CSMD1: variants seen among roughly 807,000 people sequenced by gnomAD.
The protein encoded by CSMD1 is CUB and sushi domain-containing protein 1.
CSMD1 carries 213 observed loss-of-function variants against 417.5 expected under a neutral mutation model. The ratio of observed to expected loss-of-function variants is 0.51; its 90% CI spans 0.46 to 0.57. The LOEUF (loss-of-function observed/expected upper bound fraction) is 0.57, where lower values mean the gene tolerates loss of function less well. Ranked by LOEUF, CSMD1 falls within the 20% of genes least tolerant of loss-of-function variation. The probability of loss-of-function intolerance (pLI) is 0.00; values close to 1 mark genes in which losing one functional copy is unlikely to be tolerated. For missense variants in CSMD1, 6,923 were observed against 4,529.7 expected (o/e 1.53, Z -15.17); for synonymous variants, 2,862 against 1,736.8 (o/e 1.65, Z -16.11).
At chr8:3,323,518 G>A (rs947891523) in intron 23 of CSMD1, among the ~76,000 whole-genome samples, 3 of 151,898 alleles carry the variant, frequency 2.0e-5, no homozygotes, top group African/African-American at 4.8e-5. Context: ...GAGTTAAAAG[G>A]GAAACTTGCC....
At chr8:3,241,310 C>G (rs142602774) in intron 26 of CSMD1, among the ~76,000 whole-genome samples, 1 of 149,856 alleles carries the variant, frequency 6.7e-6, no homozygotes, top group South Asian at 2.1e-4. Context: ...ATACCCACAA[C>G]AGTTATGGAG....
At chr8:3,276,025 T>C (rs1802262197) in intron 26 of CSMD1, among the ~76,000 whole-genome samples, 1 of 152,194 alleles carries the variant, frequency 6.6e-6, no homozygotes, top group Non-Finnish European at 1.5e-5. Context: ...GAGTTTCCAG[T>C]TTTTCTGCTC....
intron 2 of CSMD1, among the ~76,000 whole-genome samples, chr8:4,556,670 A>G (rs960323301): frequency 1.3e-5 from 2 of 152,196 alleles, no homozygotes; most frequent in African/African-American, 2.4e-5. Flanking sequence ...AATGCAAACA[A>G]CAAAAGTTTT....
At chr8:4,108,655 A>G (rs1801694814) in intron 3 of CSMD1, among the ~76,000 whole-genome samples, 3 of 152,308 alleles carry the variant, frequency 2.0e-5, no homozygotes, top group Non-Finnish European at 4.4e-5. Flanking sequence ...GCCACCTGAC[A>G]CTTTCGACAA....
In CSMD1 at chr8:4,226,324, A is replaced by T. The variant is rs375482257; in HGVS notation, c.415+193629T>A. On this transcript the variant is annotated intron_variant, in intron 3 of 69. Transcript: ENST00000635120. The stretch of plus-strand genomic sequence containing the variant: ...GACATTCAAAAAAGAATTAGAGACC[A>T]TCAAATACTCTACTTAAAAATGTAT... Among the ~76,000 whole-genome samples, 16 of 152,338 alleles carry T rather than the reference A, an allele frequency of 1.1e-4. No individual in the cohort carries two copies. The East Asian group carries it at 3.1e-3, about 29-fold the overall frequency.
chr8:4,956,095 G>C (rs1255258288), intron 1 of CSMD1, among the ~76,000 whole-genome samples: 1 of 152,088 alleles, frequency 6.6e-6, no homozygotes, highest in African/African-American at 2.4e-5. Context: ...GAGTTATTTG[G>C]TTATCACCCT....
At chr8:4,486,630 C>T (rs1364268855) in intron 2 of CSMD1, among the ~76,000 whole-genome samples, 1 of 151,920 alleles carries the variant, frequency 6.6e-6, no homozygotes, top group Non-Finnish European at 1.5e-5. Flanking sequence ...GACTCAGTGA[C>T]CTAAACACTG....
chr8:3,987,622 G>T (rs1585085726), intron 5 of CSMD1, among the ~76,000 whole-genome samples: 1 of 152,184 alleles, frequency 6.6e-6, no homozygotes, highest in African/African-American at 2.4e-5. Context: ...TGAGAACTGT[G>T]AAGGATGAGT....
At position 4,081,670 on chromosome 8, in the gene CSMD1, A is replaced by C. The variant is rs1402287577; in HGVS notation, c.416-49571T>G. On this transcript the variant is annotated intron_variant, in intron 3 of 69. Coordinates refer to ENST00000635120, the MANE Select transcript of CSMD1 (RefSeq NM_033225.6). Reference sequence around the variant, plus strand: ...TAGATACTATGCTACACAATGCAACAATTCTCAATGAAGTCCAAAACATTT... The same window carrying C: ...TAGATACTATGCTACACAATGCAACCATTCTCAATGAAGTCCAAAACATTT... Among the ~76,000 whole-genome samples the C allele has an allele frequency of 2.6e-5, 4 of 152,314 alleles. No homozygotes were observed. The East Asian group carries it at 7.7e-4, about 29-fold the overall frequency.
chr8:4,188,370 G>A lies in CSMD1; in HGVS notation c.416-156271C>T, dbSNP rs991165604. Among the ~76,000 whole-genome samples, 11 of 152,256 alleles carry A rather than the reference G, an allele frequency of 7.2e-5. No individual in the cohort carries two copies. In the Middle Eastern group the frequency reaches 0.01, roughly 141 times the overall value. Reference sequence around the variant, plus strand: ...AAACCGAGGTGCCTTCATTCATTCTGCATAATAGCAAACAACACAGGAAAC... The same window carrying A: ...AAACCGAGGTGCCTTCATTCATTCTACATAATAGCAAACAACACAGGAAAC... On this transcript the variant is annotated intron_variant, in intron 3 of 69. Coordinates refer to ENST00000635120, the MANE Select transcript of CSMD1 (RefSeq NM_033225.6).
At chr8:4,265,344 T>A (rs2128845959) in intron 3 of CSMD1, among the ~76,000 whole-genome samples, 1 of 151,932 alleles carries the variant, frequency 6.6e-6, no homozygotes, top group South Asian at 2.1e-4. Flanking sequence ...TTTTGGTGAA[T>A]GATCTGTCTC....
chr8:4,719,892 C>G (rs1007590576), intron 1 of CSMD1, among the ~76,000 whole-genome samples: 1 of 152,034 alleles, frequency 6.6e-6, no homozygotes, highest in African/African-American at 2.4e-5. Flanking sequence ...GCTCACATAT[C>G]TATATTCGAC....
intron 2 of CSMD1, among the ~76,000 whole-genome samples, chr8:4,439,378 T>A (rs1798332254): frequency 6.6e-6 from 1 of 152,150 alleles, no homozygotes. Context: ...TACAACTTTG[T>A]GGGTTACTAA....
intron 5 of CSMD1, among the ~76,000 whole-genome samples, chr8:3,839,102 T>C (rs536309267): frequency 0.029 from 1,896 of 64,866 alleles, 52 homozygotes; most frequent in African/African-American, 0.092. Context: ...TAATATAGCC[T>C]ATATATATAG....
chr8:4,317,055 A>C (rs1470871835), intron 3 of CSMD1, among the ~76,000 whole-genome samples: 3 of 152,196 alleles, frequency 2.0e-5, no homozygotes, highest in Non-Finnish European at 4.4e-5. Context: ...AAAACATACA[A>C]GCCCTGTGGA....
chr8:3,774,176 C>G (rs1156572505), intron 5 of CSMD1, among the ~76,000 whole-genome samples: 2 of 152,140 alleles, frequency 1.3e-5, no homozygotes, highest in African/African-American at 4.8e-5. Flanking sequence ...CTTTTGTGAC[C>G]TGCACCGCCT....
intron 3 of CSMD1, among the ~76,000 whole-genome samples, chr8:4,249,632 G>A (rs112589879): frequency 6.6e-6 from 1 of 152,148 alleles, no homozygotes; most frequent in African/African-American, 2.4e-5. Flanking sequence ...GCTCAACACA[G>A]TGTGGAACGT....
At chr8:4,873,742 G>GA (rs1240152592) in intron 1 of CSMD1, among the ~76,000 whole-genome samples, 1 of 152,020 alleles carries the variant, frequency 6.6e-6, no homozygotes, top group Non-Finnish European at 1.5e-5. Flanking sequence ...TCAAAGCCTT[G>GA]AAAAATATGT....
chr8:4,383,545 C>T (rs191324701), intron 3 of CSMD1, among the ~76,000 whole-genome samples: 1 of 152,160 alleles, frequency 6.6e-6, no homozygotes, highest in East Asian at 1.9e-4. Flanking sequence ...GTTGTGGTAC[C>T]AGAAGCATTT....
Sources: allele counts gnomAD v4.1 joint callset (sites outside exome capture counted in the v4.1 genomes callset), GRCh38; gene constraint gnomAD v4.1.1; transcripts MANE v1.5; gene names NCBI Gene and HGNC (gene_info 2026-07-23, HGNC 2026-07-21).